The following OSTM1 variants were observed in gnomAD, a reference collection of about 807,000 sequenced individuals.
OSTM1 encodes osteoclastogenesis associated transmembrane protein 1.
Under a neutral mutation model 35.4 loss-of-function variants are expected in OSTM1, and 26 were observed. The observed-to-expected ratio is 0.73, with a 90% CI of 0.54 to 1.02. The LOEUF is 1.02. OSTM1 is among the 50% of genes least tolerant of loss of function. The pLI is 0.00. For synonymous variants in OSTM1, 181 were observed against 165.0 expected (o/e 1.10, Z -0.75); for missense variants, 366 against 409.6 (o/e 0.89, Z 0.92).
chr6:108,058,882 AAGTT>A (rs1772219264), intron 2 of OSTM1, among the ~76,000 whole-genome samples: 1 of 152,234 alleles, frequency 6.6e-6, no homozygotes, highest in African/African-American at 2.4e-5. Flanking sequence ...TGTTAACTGA[AAGTT>A]AGTTTTCCTC....
In OSTM1 at chr6:108,070,905, A is replaced by AGGGCTG. The variant is rs1156925436; in HGVS notation, c.402+3339_402+3344dup. Among the ~76,000 whole-genome samples the AGGGCTG allele has an allele frequency of 3.6e-5, 5 of 140,624 alleles. No individual in the cohort carries two copies. The East Asian group carries it at 1.1e-3, about 31-fold the overall frequency. 92.3% of individuals were successfully genotyped at this position (140,624 alleles called of 152,430 possible). A position where few individuals can be genotyped will look rare whatever the true frequency, so the allele number is the denominator to read the frequency against. ...AACTCCGTCTCAAAAAAAAAAAAAAAGGGCTGGGTGTGGTGGCTCACACCT... is the reference window on the plus strand; with the variant it reads ...AACTCCGTCTCAAAAAAAAAAAAAAAGGGCTGGGGCTGGGTGTGGTGGCTCACACCT... On this transcript the variant is annotated intron_variant, in intron 1 of 5. Transcript: ENST00000193322.
intron 2 of OSTM1, among the ~76,000 whole-genome samples, chr6:108,060,206 G>A (rs1772249847): frequency 6.6e-6 from 1 of 152,106 alleles, no homozygotes; most frequent in African/African-American, 2.4e-5. Context: ...AGTCTTTTAA[G>A]TAAGTCATAT....
At chr6:108,056,465 T>C (rs62427447) in intron 2 of OSTM1, among the ~76,000 whole-genome samples, 479 of 152,204 alleles carry the variant, frequency 3.1e-3, no homozygotes, top group Non-Finnish European at 5.2e-3. Flanking sequence ...CTCCCTCCAC[T>C]ACCCATAGAT....
intron 1 of OSTM1, among the ~76,000 whole-genome samples, chr6:108,065,033 G>C (rs1772352025): frequency 6.7e-6 from 1 of 150,052 alleles, no homozygotes; most frequent in Admixed American, 6.6e-5. Flanking sequence ...TAATTTTTGT[G>C]TTTGTAGTAG....
chr6:108,059,553 G>A (rs1458049080), intron 2 of OSTM1, among the ~76,000 whole-genome samples: 1 of 152,086 alleles, frequency 6.6e-6, no homozygotes, highest in Non-Finnish European at 1.5e-5. Flanking sequence ...GCTAAATTAA[G>A]CAGAACAGAA....
chr6:108,055,003 C>A (rs1220990033), intron 2 of OSTM1, among the ~76,000 whole-genome samples: 2 of 152,166 alleles, frequency 1.3e-5, no homozygotes, highest in South Asian at 2.1e-4. Flanking sequence ...CATCTTCCAA[C>A]TTCACTAATG....
In OSTM1 at chr6:108,049,562, C is replaced by T. The variant is rs1772041047; in HGVS notation, c.784-144G>A. ...AAAACCTACTGATAGTTGAGGACAA[C>T]TTCTTCTGCCAGGAAAAAAACCTGG... On this transcript the variant is annotated intron_variant, in intron 4 of 5. Coordinates refer to ENST00000193322, the MANE Select transcript of OSTM1 (RefSeq NM_014028.4). 2.1e-6 allele frequency: 3 copies of T among 1,452,914 alleles called. No homozygotes were observed. In the African/African-American group the frequency reaches 4.3e-5, roughly 21 times the overall value. The allele number at this position is 1,452,914 out of a possible 1,614,324, so 90.0% of individuals were successfully genotyped here. A position where few individuals can be genotyped will look rare whatever the true frequency, so the allele number is the denominator to read the frequency against.
intron 3 of OSTM1, among the ~76,000 whole-genome samples, chr6:108,052,452 G>GAGCACATA (rs1468376170): frequency 6.9e-6 from 1 of 144,898 alleles, no homozygotes; most frequent in Non-Finnish European, 1.5e-5. Context: ...AAAAAAAATT[G>GAGCACATA]AGCACATAAT....
chr6:108,051,185 C>T lies in OSTM1; in HGVS notation c.629G>A (p.Ser210Asn). 1 of 1,611,846 alleles carries T rather than the reference C, an allele frequency of 6.2e-7. No homozygotes were observed. The highest frequency in any genetic ancestry group is 1.3e-5 in the African/African-American group (1 of 74,998). The change falls in exon 4 of 6, where the codon AGT becomes AAT. Residue 210 changes from serine (S) to asparagine (N), a missense_variant. By Grantham distance (46) the Ser-to-Asn change is conservative. This residue lies in a region of OSTM1 where 125 missense variants were observed against 151.7 expected (regional missense o/e 0.82). Transcript: ENST00000193322. ...FEHNLQGNAH[S>N]LLQTKNYSEV... is the part of the protein sequence containing the mutation. ...TGAATAATTTTTTGTCTGTAAAAGA[C>T]TATGTGCATTCCCCTAAAATGACAA...
intron 2 of OSTM1, among the ~76,000 whole-genome samples, chr6:108,063,089 T>C (rs904366126): frequency 3.3e-5 from 5 of 152,000 alleles, no homozygotes; most frequent in Non-Finnish European, 5.9e-5. Flanking sequence ...CATATCTCAC[T>C]GCATCCTTGA....
At position 108,041,705 on chromosome 6, in the gene OSTM1, T is replaced by A. The variant is rs1011643582; in HGVS notation, c.*3080A>T. Reference sequence around the variant, plus strand: ...ACTATCAAAGAATGACTGTTATAAATAAAGAGCTCTATGATGTTCCACTTA... The same window carrying A: ...ACTATCAAAGAATGACTGTTATAAAAAAAGAGCTCTATGATGTTCCACTTA... On this transcript the variant is annotated 3_prime_UTR_variant, in exon 6 of 6. Transcript: ENST00000193322. The A allele has an allele frequency of 1.3e-5, 2 of 152,172 alleles. No homozygotes were observed. Among genetic ancestry groups the A allele is most frequent in the African/African-American group, 4.8e-5 (2 of 41,448 alleles). The allele number at this position is 152,172 out of a possible 1,614,324, so 9.4% of individuals were successfully genotyped here.
chr6:108,057,588 T>C (rs1772190261), intron 2 of OSTM1, among the ~76,000 whole-genome samples: 1 of 152,200 alleles, frequency 6.6e-6, no homozygotes. Flanking sequence ...TAATTTCTTT[T>C]GCAAAAGCAA....
intron 1 of OSTM1, among the ~76,000 whole-genome samples, chr6:108,064,964 T>G (rs1337618759): frequency 6.6e-6 from 1 of 152,192 alleles, no homozygotes; most frequent in Non-Finnish European, 1.5e-5. Flanking sequence ...ATCCAAGCGA[T>G]TCTCATGCCA....
chr6:108,058,747 C>T (rs373769339), intron 2 of OSTM1, among the ~76,000 whole-genome samples: 1 of 151,786 alleles, frequency 6.6e-6, no homozygotes, highest in Non-Finnish European at 1.5e-5. Flanking sequence ...CACTGCACTC[C>T]GGCCTGGGTG....
intron 3 of OSTM1, 43 bp from the exon 4 acceptor site, chr6:108,051,241 T>C: frequency 1.5e-6 from 2 of 1,364,412 alleles, no homozygotes; most frequent in South Asian, 1.2e-5. Context: ...ATAAACATTA[T>C]ATACAATATC....
At chr6:108,067,346 C>G (rs1772397468) in intron 1 of OSTM1, among the ~76,000 whole-genome samples, 1 of 152,132 alleles carries the variant, frequency 6.6e-6, no homozygotes, top group Non-Finnish European at 1.5e-5. Context: ...TCTGAGGATG[C>G]CCTAGATCCC....
chr6:108,071,672 A>G (rs1334302628), intron 1 of OSTM1, among the ~76,000 whole-genome samples: 3 of 151,966 alleles, frequency 2.0e-5, no homozygotes, highest in Non-Finnish European at 2.9e-5. Context: ...ATAGCCTTTT[A>G]AATCTATAAA....
chr6:108,068,980 C>T (rs1772431432), intron 1 of OSTM1, among the ~76,000 whole-genome samples: 1 of 152,150 alleles, frequency 6.6e-6, no homozygotes, highest in Non-Finnish European at 1.5e-5. Context: ...CCATCTCAGT[C>T]TTCATGCCTG....
chr6:108,051,250 T>C (rs926426918), intron 3 of OSTM1, 52 bp from the exon 4 acceptor site: 10 of 1,305,598 alleles, frequency 7.7e-6, no homozygotes, highest in Middle Eastern at 2.2e-4. Context: ...ATATACAATA[T>C]CTCTTTAATG....
Sources: gnomAD v4.1 joint callset for allele counts (sites outside exome capture counted in the v4.1 genomes callset) on GRCh38, gnomAD v4.1.1 for gene constraint, gnomAD v4.1.1 regional missense constraint, MANE v1.5 for transcripts, NCBI Gene and HGNC (gene_info 2026-07-23, HGNC 2026-07-21) for gene names.